The following ZNF804A variants were observed in gnomAD, a reference collection of about 807,000 sequenced individuals.
The protein encoded by ZNF804A is zinc finger protein 804A.
ZNF804A carries 2 observed loss-of-function variants against 16.5 expected under a neutral mutation model. That is an observed-to-expected ratio of 0.12 (90% CI 0.05 to 0.38). ZNF804A has a LOEUF of 0.38. Ranked by LOEUF, ZNF804A falls within the 10% of genes least tolerant of loss-of-function variation. The probability of loss-of-function intolerance (pLI) is 0.99; values close to 1 mark genes in which losing one functional copy is unlikely to be tolerated. For missense variants in ZNF804A, 1,473 were observed against 1,390.7 expected, an observed-to-expected ratio of 1.06 and a Z score of -0.94; for synonymous variants, 534 against 489.6, an observed-to-expected ratio of 1.09 and a Z score of -1.20.
At chr2:184,729,930 A>T (rs902705257) in intron 1 of ZNF804A, among the ~76,000 whole-genome samples, 4 of 152,130 alleles carry the variant, frequency 2.6e-5, no homozygotes, top group African/African-American at 9.7e-5. Flanking sequence ...TTCTCTTTGC[A>T]TGCCTGTCCC....
At chr2:184,888,579 A>T (rs1684933328) in intron 2 of ZNF804A, among the ~76,000 whole-genome samples, 1 of 152,112 alleles carries the variant, frequency 6.6e-6, no homozygotes, top group Non-Finnish European at 1.5e-5. Flanking sequence ...GAAGAATTTT[A>T]CCTGAATCTA....
chr2:184,808,494 C>T (rs1383664291), intron 1 of ZNF804A, among the ~76,000 whole-genome samples: 1 of 151,478 alleles, frequency 6.6e-6, no homozygotes, highest in Non-Finnish European at 1.5e-5. Context: ...AAGCGAGATA[C>T]AGACTTTAAT....
rs1691734507 is a variant in ZNF804A, at chr2:184,638,259, G to A, written c.111+39189G>A. Among the ~76,000 whole-genome samples the A allele has an allele frequency of 2.0e-5, 3 of 152,162 alleles. No individual in the cohort carries two copies. In the South Asian group the frequency reaches 6.2e-4, roughly 32 times the overall value. ...ATAAAAATCCATTGAGGTATGATTA[G>A]GGAACAATCTGGATGACAGACTTGG... On this transcript the variant is annotated intron_variant, in intron 1 of 3. Coordinates refer to ENST00000302277, the MANE Select transcript of ZNF804A (RefSeq NM_194250.2).
intron 1 of ZNF804A, among the ~76,000 whole-genome samples, chr2:184,827,938 A>C (rs1695191677): frequency 6.6e-6 from 1 of 151,854 alleles, no homozygotes; most frequent in South Asian, 2.1e-4. Context: ...GTAATAAAAT[A>C]ATTCGATGTT....
intron 2 of ZNF804A, among the ~76,000 whole-genome samples, chr2:184,911,645 A>G (rs1553488229): frequency 1.3e-5 from 2 of 151,690 alleles, no homozygotes; most frequent in Non-Finnish European, 2.9e-5. Context: ...TCTGTGATTT[A>G]TTTCAGTAGT....
chr2:184,662,743 A>G (rs1188068540), intron 1 of ZNF804A, among the ~76,000 whole-genome samples: 1 of 152,250 alleles, frequency 6.6e-6, no homozygotes, highest in Non-Finnish European at 1.5e-5. Flanking sequence ...ACTTAGGATC[A>G]GAACATATAC....
intron 2 of ZNF804A, among the ~76,000 whole-genome samples, chr2:184,929,487 ATGTG>A (rs955682770): frequency 4.0e-5 from 6 of 151,564 alleles, no homozygotes; most frequent in Non-Finnish European, 1.5e-5. Context: ...GTTTATATAT[ATGTG>A]TGTGTGTGTG....
Position 184,939,272 on chromosome 2 carries a change from G to A in ZNF804A, c.*246G>A, listed in dbSNP as rs551480596. 22 of 399,832 alleles carry A rather than the reference G, an allele frequency of 5.5e-5. No homozygotes were observed. Among genetic ancestry groups the A allele is most frequent in the Non-Finnish European group, 5.8e-5 (13 of 223,224 alleles). 24.8% of individuals were successfully genotyped at this position (399,832 alleles called of 1,614,324 possible). A position where few individuals can be genotyped will look rare whatever the true frequency, so the allele number is the denominator to read the frequency against. On this transcript the variant is annotated 3_prime_UTR_variant, in exon 4 of 4. Transcript: ENST00000302277. ...TACAATATATGCTATATATTAAAATGATGTCTTAAGAGTATGTATAATGTA... is the reference window on the plus strand; with the variant it reads ...TACAATATATGCTATATATTAAAATAATGTCTTAAGAGTATGTATAATGTA...
chr2:184,766,028 A>G lies in ZNF804A; in HGVS notation c.112-100341A>G, dbSNP rs1471180891. On this transcript the variant is annotated intron_variant, in intron 1 of 3. Coordinates refer to ENST00000302277, the MANE Select transcript of ZNF804A (RefSeq NM_194250.2). ...AATTATTATTGTAGAAATGAAATAC[A>G]GCATGTTTCTGGCATTTCTTTTAAA... Among the ~76,000 whole-genome samples, 5 of 152,178 alleles carry G rather than the reference A, an allele frequency of 3.3e-5. No individual in the cohort carries two copies. The East Asian group carries it at 9.6e-4, about 29-fold the overall frequency.
At chr2:184,820,898 T>C (rs894086585) in intron 1 of ZNF804A, among the ~76,000 whole-genome samples, 5 of 152,014 alleles carry the variant, frequency 3.3e-5, no homozygotes, top group African/African-American at 9.7e-5. Context: ...TACAAACCAC[T>C]GCTCAATGAA....
chr2:184,880,765 A>T (rs910755387), intron 2 of ZNF804A, among the ~76,000 whole-genome samples: 9 of 152,042 alleles, frequency 5.9e-5, no homozygotes, highest in African/African-American at 2.2e-4. Flanking sequence ...TTGCTGTGTC[A>T]TCCCATGGTG....
intron 2 of ZNF804A, among the ~76,000 whole-genome samples, chr2:184,889,254 C>T (rs1477977808): frequency 6.6e-6 from 1 of 151,292 alleles, no homozygotes; most frequent in Admixed American, 6.6e-5. Flanking sequence ...AATTTTTTAA[C>T]CTTGTTTTAA....
At chr2:184,818,994 A>C in intron 1 of ZNF804A, among the ~76,000 whole-genome samples, 1 of 152,054 alleles carries the variant, frequency 6.6e-6, no homozygotes, top group East Asian at 1.9e-4. Flanking sequence ...AATAATAGAC[A>C]GATCATTGAG....
chr2:184,892,483 C>CTTTTTTTTTTTTTTT (rs869292193), intron 2 of ZNF804A, among the ~76,000 whole-genome samples: 1 of 105,742 alleles, frequency 9.5e-6, no homozygotes. Context: ...TTGTTGTGTT[C>CTTTTTTTTTTTTTTT]TTTTTTTTTT....
chr2:184,825,563 A>T (rs1417302258), intron 1 of ZNF804A, among the ~76,000 whole-genome samples: 2 of 152,080 alleles, frequency 1.3e-5, no homozygotes, highest in Non-Finnish European at 2.9e-5. Flanking sequence ...GCAGAAAGGA[A>T]CAACATATTA....
At chr2:184,865,400 G>T (rs1220668010) in intron 1 of ZNF804A, among the ~76,000 whole-genome samples, 1 of 151,948 alleles carries the variant, frequency 6.6e-6, no homozygotes, top group Non-Finnish European at 1.5e-5. Flanking sequence ...ACTGCATCTG[G>T]TGAGGGGCTC....
intron 1 of ZNF804A, among the ~76,000 whole-genome samples, chr2:184,730,846 G>GT (rs1693501667): frequency 7.9e-6 from 1 of 126,838 alleles, no homozygotes; most frequent in Non-Finnish European, 1.6e-5. Flanking sequence ...TCAATTTGCA[G>GT]CTTTTTTTTT....
At chr2:184,781,072 A>C (rs984131013) in intron 1 of ZNF804A, among the ~76,000 whole-genome samples, 1 of 151,776 alleles carries the variant, frequency 6.6e-6, no homozygotes, top group East Asian at 2.0e-4. Context: ...GTGATCTCTC[A>C]TCCTTGGAGA....
intron 1 of ZNF804A, among the ~76,000 whole-genome samples, chr2:184,831,237 A>C (rs1248089327): frequency 6.6e-6 from 1 of 152,178 alleles, no homozygotes; most frequent in South Asian, 2.1e-4. Context: ...GTTAGTGTTA[A>C]TGATGCCTCA....
Sources: allele counts gnomAD v4.1 joint callset (sites outside exome capture counted in the v4.1 genomes callset), GRCh38; gene constraint gnomAD v4.1.1; transcripts MANE v1.5; gene names NCBI Gene and HGNC (gene_info 2026-07-23, HGNC 2026-07-21).